CNTN4: variants seen among roughly 807,000 people sequenced by gnomAD.
CNTN4 encodes the protein contactin 4.
In CNTN4, 77 loss-of-function variants were observed where a neutral mutation model predicts 122.5. The observed-to-expected ratio is 0.63, with a 90% CI of 0.52 to 0.76. The LOEUF (loss-of-function observed/expected upper bound fraction) is 0.76. CNTN4 is among the 30% of genes least tolerant of loss of function. The probability of loss-of-function intolerance (pLI) is 0.00; values close to 1 mark genes in which losing one functional copy is unlikely to be tolerated. For synonymous variants in CNTN4, 512 were observed against 447.0 expected, an observed-to-expected ratio of 1.15 and a Z score of -1.83; for missense variants, 1,256 against 1,259.1, an observed-to-expected ratio of 1.00 and a Z score of 0.04.
intron 6 of CNTN4, among the ~76,000 whole-genome samples, chr3:2,747,365 C>T (rs1314034888): frequency 6.7e-6 from 1 of 150,054 alleles, no homozygotes; most frequent in Non-Finnish European, 1.5e-5. Context: ...GCCGAGATGG[C>T]GCCACTGGAC....
At chr3:2,716,935 C>G (rs1165031882) in intron 4 of CNTN4, among the ~76,000 whole-genome samples, 6 of 152,180 alleles carry the variant, frequency 3.9e-5, no homozygotes, top group Non-Finnish European at 8.8e-5. Flanking sequence ...AGATTCATCT[C>G]TATTGTCACA....
intron 3 of CNTN4, chr3:2,362,683 C>T (rs2045207261): frequency 2.7e-6 from 1 of 374,616 alleles, no homozygotes; most frequent in African/African-American, 2.1e-5. Flanking sequence ...GGTGAACAAT[C>T]CGTAAATGAC....
chr3:2,886,073 C>T (rs758701561), intron 9 of CNTN4, among the ~76,000 whole-genome samples: 3 of 152,086 alleles, frequency 2.0e-5, no homozygotes, highest in Admixed American at 6.6e-5. Context: ...GGTTAAAAAG[C>T]GCTACCAGAT....
chr3:2,739,142 G>C (rs1048197873), intron 5 of CNTN4, among the ~76,000 whole-genome samples: 2 of 152,072 alleles, frequency 1.3e-5, no homozygotes. Flanking sequence ...TAAAAAGATT[G>C]TCAATATCAT....
intron 7 of CNTN4, among the ~76,000 whole-genome samples, chr3:2,820,443 C>G (rs960681452): frequency 6.6e-6 from 1 of 152,176 alleles, no homozygotes; most frequent in Non-Finnish European, 1.5e-5. Context: ...AACCCTGAAG[C>G]TCTCCAAACG....
intron 12 of CNTN4, among the ~76,000 whole-genome samples, chr3:2,923,560 C>G (rs2094447426): frequency 6.6e-6 from 1 of 152,166 alleles, no homozygotes; most frequent in Admixed American, 6.5e-5. Flanking sequence ...CCATTCATGC[C>G]ACATTCTTCC....
At chr3:2,985,691 C>G (rs943918976) in intron 13 of CNTN4, 1 of 152,194 alleles carries the variant, frequency 6.6e-6, no homozygotes, top group Non-Finnish European at 1.5e-5. Flanking sequence ...CCAGCAGGTA[C>G]AAACTGCCCA....
intron 3 of CNTN4, among the ~76,000 whole-genome samples, chr3:2,467,760 C>A (rs1311661054): frequency 2.6e-5 from 4 of 152,088 alleles, no homozygotes; most frequent in Non-Finnish European, 5.9e-5. Context: ...CTTTTAAAAT[C>A]AAGACCAAAT....
chr3:2,687,510 A>G (rs1446696234), intron 4 of CNTN4, among the ~76,000 whole-genome samples: 2 of 152,138 alleles, frequency 1.3e-5, no homozygotes, highest in Admixed American at 6.5e-5. Flanking sequence ...AAAAAATACA[A>G]AAATTATCTG....
At chr3:2,229,191 A>C (rs2039395038) in intron 2 of CNTN4, among the ~76,000 whole-genome samples, 1 of 152,212 alleles carries the variant, frequency 6.6e-6, no homozygotes, top group Admixed American at 6.5e-5. Context: ...GGAATTGAGA[A>C]GTTATCGATG....
intron 4 of CNTN4, among the ~76,000 whole-genome samples, chr3:2,603,870 T>C (rs1258302670): frequency 6.6e-6 from 1 of 152,182 alleles, no homozygotes; most frequent in African/African-American, 2.4e-5. Flanking sequence ...AAACCCTTTC[T>C]GAAATTTCCC....
At chr3:2,469,396 G>A (rs568409459) in intron 3 of CNTN4, among the ~76,000 whole-genome samples, 2 of 152,286 alleles carry the variant, frequency 1.3e-5, no homozygotes, top group South Asian at 4.2e-4. Flanking sequence ...TGCTCATTCT[G>A]TCCCATGTTA....
Position 2,887,105 on chromosome 3 carries a change from A to G in CNTN4, c.821A>G (p.His274Arg), listed in dbSNP as rs776609816. 1.2e-6 allele frequency: 2 copies of G among 1,614,178 alleles called. No homozygotes were observed. Among genetic ancestry groups the G allele is most frequent in the South Asian group, 2.2e-5 (2 of 91,088 alleles). Residue 274 changes from histidine (H) to arginine (R), a missense_variant, in exon 10 of 25, where the codon CAC (histidine) becomes CGC (arginine). Physicochemically the swap from His to Arg is conservative, Grantham distance 29 (BLOSUM62 0). Coordinates refer to ENST00000418658, the MANE Select transcript of CNTN4 (RefSeq NM_175607.3). ...CCAATAGCAAGGAAAGCCAGAAGAC[A>G]CAAGTCAAATGGAATTCTTGAGATC... ...GKPIARKARR[H>R]KSNGILEIPN...
chr3:2,234,370 C>CA (rs72401999), intron 2 of CNTN4, among the ~76,000 whole-genome samples: 18,577 of 94,508 alleles, frequency 0.2, 2,253 homozygotes, highest in East Asian at 0.39. Context: ...AAGTCCATCT[C>CA]AAAAAAAAAA....
Position 2,928,999 on chromosome 3 carries a change from C to A in CNTN4, c.1358+3220C>A, listed in dbSNP as rs185296669. Reference sequence around the variant, plus strand: ...GGCTTCCCATTCTTTTGGAAATATACAGCATATTCACACTAGCCTTATCTA... The same window carrying A: ...GGCTTCCCATTCTTTTGGAAATATAAAGCATATTCACACTAGCCTTATCTA... On this transcript the variant is annotated intron_variant, in intron 13 of 24. Coordinates refer to ENST00000418658, the MANE Select transcript of CNTN4 (RefSeq NM_175607.3). 1.0e-3 allele frequency among the ~76,000 whole-genome samples: 156 copies of A among 152,296 alleles called. 1 individual carries two copies. The highest frequency in any genetic ancestry group is 3.5e-3 in the African/African-American group (145 of 41,564).
chr3:2,591,404 G>T (rs1181989711), intron 4 of CNTN4, among the ~76,000 whole-genome samples: 2 of 41,994 alleles, frequency 4.8e-5, no homozygotes, highest in South Asian at 1.1e-3. Context: ...TCGCTCTGTC[G>T]CCCAGGCTGG....
At chr3:2,802,181 A>T (rs2092363946) in intron 6 of CNTN4, among the ~76,000 whole-genome samples, 1 of 152,240 alleles carries the variant, frequency 6.6e-6, no homozygotes, top group South Asian at 2.1e-4. Flanking sequence ...TCCAGTGCCC[A>T]CCAAGTGCCC....
chr3:2,961,062 C>T (rs1377013813), intron 13 of CNTN4, among the ~76,000 whole-genome samples: 1 of 143,748 alleles, frequency 7.0e-6, no homozygotes, highest in African/African-American at 2.5e-5. Flanking sequence ...AACCCCGTCT[C>T]TACTAAAAAT....
At chr3:2,635,311 G>A (rs1053803729) in intron 4 of CNTN4, among the ~76,000 whole-genome samples, 4 of 152,126 alleles carry the variant, frequency 2.6e-5, no homozygotes, top group East Asian at 1.9e-4. Flanking sequence ...ATACCAAACT[G>A]TAATTGGAAA....
Sources: allele counts gnomAD v4.1 joint callset (sites outside exome capture counted in the v4.1 genomes callset), GRCh38; gene constraint gnomAD v4.1.1; transcripts MANE v1.5; gene names NCBI Gene and HGNC (gene_info 2026-07-23, HGNC 2026-07-21).